The following SDK1 variants were observed in gnomAD, a reference collection of about 807,000 sequenced individuals.
SDK1 encodes the protein protein sidekick-1.
Under a neutral mutation model 245.5 loss-of-function variants are expected in SDK1, and 157 were observed. The observed-to-expected ratio is 0.64, with a 90% confidence interval of 0.56 to 0.73. The LOEUF (loss-of-function observed/expected upper bound fraction) is 0.73. SDK1 is among the 30% of genes least tolerant of loss of function. The pLI is 0.00. For missense variants in SDK1, 3,583 were observed against 3,002.3 expected, an observed-to-expected ratio of 1.19 and a Z score of -4.52; for synonymous variants, 1,647 against 1,278.5, an observed-to-expected ratio of 1.29 and a Z score of -6.15.
chr7:3,967,256 C>A, intron 9 of SDK1, 62 bp from the exon 10 acceptor site: 1 of 1,298,818 alleles, frequency 7.7e-7, no homozygotes, highest in Non-Finnish European at 1.1e-6. Flanking sequence ...GGATACTCTG[C>A]CAGGCTGATG....
chr7:3,803,420 C>A (rs1779161720), intron 4 of SDK1, among the ~76,000 whole-genome samples: 1 of 151,598 alleles, frequency 6.6e-6, no homozygotes, highest in African/African-American at 2.4e-5. Flanking sequence ...AAGCAATTCT[C>A]CCACCTCAGC....
chr7:3,578,118 A>G (rs139826798), intron 1 of SDK1, among the ~76,000 whole-genome samples: 1 of 151,990 alleles, frequency 6.6e-6, no homozygotes, highest in African/African-American at 2.4e-5. Context: ...CCCACCCCCA[A>G]TATTTCAACA....
At chr7:3,959,466 A>G (rs898942477) in intron 8 of SDK1, among the ~76,000 whole-genome samples, 3 of 152,142 alleles carry the variant, frequency 2.0e-5, no homozygotes, top group Admixed American at 6.5e-5. Flanking sequence ...GTACAAGGCA[A>G]TTTTGTTCCA....
intron 5 of SDK1, among the ~76,000 whole-genome samples, chr7:3,854,966 G>A (rs1451705413): frequency 1.3e-5 from 2 of 152,150 alleles, no homozygotes; most frequent in Non-Finnish European, 2.9e-5. Context: ...GTGGCTCAGT[G>A]AACTCTAACT....
intron 1 of SDK1, among the ~76,000 whole-genome samples, chr7:3,340,291 A>G (rs1780311815): frequency 6.6e-6 from 1 of 152,126 alleles, no homozygotes; most frequent in South Asian, 2.1e-4. Flanking sequence ...CAGTGTATAT[A>G]TATAAAAGTT....
At chr7:3,484,541 C>T (rs1781617891) in intron 1 of SDK1, among the ~76,000 whole-genome samples, 1 of 152,276 alleles carries the variant, frequency 6.6e-6, no homozygotes, top group East Asian at 1.9e-4. Flanking sequence ...CAGAGTTGTT[C>T]AAGGATTAAC....
chr7:3,590,398 A>G (rs1780830776), intron 1 of SDK1, among the ~76,000 whole-genome samples: 1 of 151,494 alleles, frequency 6.6e-6, no homozygotes, highest in Non-Finnish European at 1.5e-5. Flanking sequence ...TGGAAAATCA[A>G]ACTCTGCAGA....
chr7:3,917,054 C>T (rs1328009084), intron 5 of SDK1, among the ~76,000 whole-genome samples: 3 of 152,200 alleles, frequency 2.0e-5, no homozygotes, highest in African/African-American at 7.2e-5. Flanking sequence ...CTCCCATCAT[C>T]CCTTAACAAA....
At chr7:4,092,015 C>T (rs1451384887) in intron 22 of SDK1, among the ~76,000 whole-genome samples, 6 of 152,188 alleles carry the variant, frequency 3.9e-5, no homozygotes, top group Non-Finnish European at 5.9e-5. Flanking sequence ...AACCGTCGGG[C>T]GTGTAGACAC....
In SDK1 at chr7:3,321,083, T is replaced by C. The variant is rs146267470; in HGVS notation, c.298+19199T>C. Among the ~76,000 whole-genome samples the C allele has an allele frequency of 1.1e-4, 17 of 152,342 alleles. No homozygotes were observed. The East Asian group carries it at 3.1e-3, about 28-fold the overall frequency. On this transcript the variant is annotated intron_variant, in intron 1 of 44. Transcript: ENST00000404826. Reference sequence around the variant, plus strand: ...GTCTTGCAATCCTAAAATTTTAAGATATTTCAGGGCTTATCAACTGAAGGC... The same window carrying C: ...GTCTTGCAATCCTAAAATTTTAAGACATTTCAGGGCTTATCAACTGAAGGC...
chr7:3,442,758 T>G (rs1330500809), intron 1 of SDK1, among the ~76,000 whole-genome samples: 1 of 152,218 alleles, frequency 6.6e-6, no homozygotes, highest in Non-Finnish European at 1.5e-5. Flanking sequence ...CCATTTTTCC[T>G]TTTTCCTTTT....
intron 4 of SDK1, among the ~76,000 whole-genome samples, chr7:3,678,208 T>A (rs1306958932): frequency 6.6e-6 from 1 of 152,216 alleles, no homozygotes; most frequent in Non-Finnish European, 1.5e-5. Context: ...TTAGCCACCG[T>A]GGAAGACCGT....
chr7:3,491,534 A>G (rs1781863340), intron 1 of SDK1, among the ~76,000 whole-genome samples: 1 of 152,188 alleles, frequency 6.6e-6, no homozygotes, highest in African/African-American at 2.4e-5. Flanking sequence ...TTTTTCCCCT[A>G]TTCATAAACC....
At chr7:4,002,690 A>G (rs1785162170) in intron 14 of SDK1, among the ~76,000 whole-genome samples, 1 of 152,226 alleles carries the variant, frequency 6.6e-6, no homozygotes, top group Non-Finnish European at 1.5e-5. Context: ...ATACATATAC[A>G]CACAAAATAT....
chr7:3,787,488 A>G (rs1021159346), intron 4 of SDK1, among the ~76,000 whole-genome samples: 1 of 152,180 alleles, frequency 6.6e-6, no homozygotes, highest in African/African-American at 2.4e-5. Context: ...AAAAAGAGGT[A>G]AATACCAACA....
At chr7:3,850,360 T>C (rs180729146) in intron 5 of SDK1, among the ~76,000 whole-genome samples, 14 of 152,332 alleles carry the variant, frequency 9.2e-5, no homozygotes, top group Admixed American at 2.6e-4. Flanking sequence ...GGGTGACTTA[T>C]TTTACTCTTT....
chr7:4,246,273 C>T (rs1443553238), intron 44 of SDK1, among the ~76,000 whole-genome samples: 1 of 152,126 alleles, frequency 6.6e-6, no homozygotes, highest in Non-Finnish European at 1.5e-5. Context: ...GGCTGAGTGT[C>T]AGATGGTCGC....
At chr7:4,182,699 A>G (rs1483088796) in intron 35 of SDK1, among the ~76,000 whole-genome samples, 1 of 152,188 alleles carries the variant, frequency 6.6e-6, no homozygotes, top group Non-Finnish European at 1.5e-5. Flanking sequence ...CCAGGCACTC[A>G]TGTTCTAAGC....
intron 4 of SDK1, among the ~76,000 whole-genome samples, chr7:3,754,097 T>C (rs1003997537): frequency 2.0e-5 from 3 of 152,234 alleles, no homozygotes; most frequent in Non-Finnish European, 4.4e-5. Context: ...GATTAGCCAG[T>C]CACTCCAGGA....
Sources: gnomAD v4.1 joint callset for allele counts (sites outside exome capture counted in the v4.1 genomes callset) on GRCh38, gnomAD v4.1.1 for gene constraint, MANE v1.5 for transcripts, NCBI Gene and HGNC (gene_info 2026-07-23, HGNC 2026-07-21) for gene names.